Variants in CTNND2 observed in about 807,000 individuals in gnomAD.
CTNND2 encodes the protein catenin delta 2, also known as catenin delta-2.
CTNND2 carries 22 observed loss-of-function variants against 144.4 expected under a neutral mutation model. The observed-to-expected ratio is 0.15, with a 90% confidence interval of 0.11 to 0.22. The LOEUF (loss-of-function observed/expected upper bound fraction) is 0.22, where lower values mean the gene tolerates loss of function less well. Among genes scored for constraint, CTNND2 ranks in the 10% least tolerant of loss-of-function variants. The probability of loss-of-function intolerance (pLI) is 1.00; values close to 1 mark genes in which losing one functional copy is unlikely to be tolerated. For synonymous variants in CTNND2, 751 were observed against 695.6 expected (o/e 1.08, Z -1.25); for missense variants, 1,353 against 1,618.8 (o/e 0.84, Z 2.82).
At chr5:11,361,578 T>C (rs1006639352) in intron 8 of CTNND2, among the ~76,000 whole-genome samples, 23 of 152,170 alleles carry the variant, frequency 1.5e-4, no homozygotes, top group Non-Finnish European at 3.2e-4. Context: ...AGCATCTCCT[T>C]CCAAGGATTG....
At chr5:11,764,607 C>A (rs1789473573) in intron 1 of CTNND2, among the ~76,000 whole-genome samples, 1 of 152,146 alleles carries the variant, frequency 6.6e-6, no homozygotes, top group Non-Finnish European at 1.5e-5. Context: ...CTTTTATGGG[C>A]ATGTCATATG....
chr5:11,831,027 C>T (rs1793870842), intron 1 of CTNND2, among the ~76,000 whole-genome samples: 1 of 151,694 alleles, frequency 6.6e-6, no homozygotes, highest in Admixed American at 6.6e-5. Context: ...GACAATAATG[C>T]AAGAAATTAA....
intron 2 of CTNND2, among the ~76,000 whole-genome samples, chr5:11,675,327 A>C (rs988658318): frequency 6.6e-6 from 1 of 152,130 alleles, no homozygotes; most frequent in Non-Finnish European, 1.5e-5. Context: ...AGCCACTGGC[A>C]CTGCCCATGG....
intron 3 of CTNND2, among the ~76,000 whole-genome samples, chr5:11,439,593 C>T (rs1764064168): frequency 6.6e-6 from 1 of 152,090 alleles, no homozygotes; most frequent in African/African-American, 2.4e-5. Flanking sequence ...AGTGCACTGG[C>T]ACAATCATAG....
chr5:11,813,559 A>G (rs1792463495), intron 1 of CTNND2, among the ~76,000 whole-genome samples: 1 of 152,244 alleles, frequency 6.6e-6, no homozygotes, highest in Non-Finnish European at 1.5e-5. Context: ...ATATCCAAAT[A>G]TCCTTAGCAA....
intron 8 of CTNND2, among the ~76,000 whole-genome samples, chr5:11,348,798 T>C (rs900787883): frequency 1.3e-5 from 2 of 151,710 alleles, no homozygotes; most frequent in African/African-American, 2.4e-5. Context: ...CAGCAGACAA[T>C]AAATTATAAA....
chr5:11,259,586 CT>C (rs1485998072), intron 9 of CTNND2, among the ~76,000 whole-genome samples: 2 of 152,170 alleles, frequency 1.3e-5, no homozygotes, highest in Non-Finnish European at 2.9e-5. Flanking sequence ...ATTCACTGTT[CT>C]TTTAGACACT....
chr5:11,716,519 T>C (rs916220924), intron 2 of CTNND2, among the ~76,000 whole-genome samples: 5 of 152,204 alleles, frequency 3.3e-5, no homozygotes, highest in African/African-American at 1.2e-4. Context: ...CTTGCAACCC[T>C]TGCATCTACC....
chr5:11,335,653 G>C (rs10155641), intron 9 of CTNND2, among the ~76,000 whole-genome samples: 2 of 152,090 alleles, frequency 1.3e-5, no homozygotes, highest in Non-Finnish European at 2.9e-5. Context: ...GTCTGGCGGC[G>C]GGGAACCTAA....
intron 12 of CTNND2, among the ~76,000 whole-genome samples, chr5:11,154,203 T>C (rs1183086357): frequency 6.6e-6 from 1 of 152,166 alleles, no homozygotes; most frequent in African/African-American, 2.4e-5. Context: ...TGGCTGTCCA[T>C]AGTGTCAGAA....
Position 11,245,446 on chromosome 5 carries a change from G to C in CTNND2, c.1629-8623C>G, listed in dbSNP as rs972210031. On this transcript the variant is annotated intron_variant, in intron 9 of 21. Transcript: ENST00000304623. ...AGTGTCCTAAGAAGAGGGACGCAGAGGGAGACTGGACGCAGAAGAGGGCAA... is the reference window on the plus strand; with the variant it reads ...AGTGTCCTAAGAAGAGGGACGCAGACGGAGACTGGACGCAGAAGAGGGCAA... Among the ~76,000 whole-genome samples the C allele has an allele frequency of 2.0e-5, 3 of 152,274 alleles. No individual in the cohort carries two copies. In the East Asian group the frequency reaches 5.8e-4, roughly 29 times the overall value.
intron 12 of CTNND2, among the ~76,000 whole-genome samples, chr5:11,149,797 T>G (rs1214667179): frequency 2.0e-5 from 3 of 152,198 alleles, no homozygotes; most frequent in African/African-American, 7.2e-5. Context: ...ATATTATTAC[T>G]AAATATTGCT....
chr5:11,491,359 A>G (rs1217394920), intron 3 of CTNND2, among the ~76,000 whole-genome samples: 1 of 152,204 alleles, frequency 6.6e-6, no homozygotes, highest in Non-Finnish European at 1.5e-5. Flanking sequence ...TACCACACAC[A>G]AAGTGCTTTC....
intron 2 of CTNND2, among the ~76,000 whole-genome samples, chr5:11,645,184 T>G (rs1258860931): frequency 6.6e-6 from 1 of 152,080 alleles, no homozygotes; most frequent in African/African-American, 2.4e-5. Context: ...CAAGTTGGTC[T>G]TGAACTCCCG....
intron 1 of CTNND2, among the ~76,000 whole-genome samples, chr5:11,832,786 G>C (rs938535505): frequency 6.6e-6 from 1 of 151,976 alleles, no homozygotes; most frequent in Non-Finnish European, 1.5e-5. Context: ...ACAAAAAATA[G>C]GAAAATTAGT....
intron 2 of CTNND2, among the ~76,000 whole-genome samples, chr5:11,697,248 C>G (rs1158193508): frequency 6.6e-6 from 1 of 152,110 alleles, no homozygotes; most frequent in Non-Finnish European, 1.5e-5. Context: ...CTGATTCTAA[C>G]CATTGGAAGC....
intron 11 of CTNND2, among the ~76,000 whole-genome samples, chr5:11,169,168 A>G (rs1190453094): frequency 6.6e-6 from 1 of 152,126 alleles, no homozygotes. Flanking sequence ...CCACCTTGCA[A>G]TACCCACCTT....
chr5:11,882,556 G>T (rs1736202845), intron 1 of CTNND2, among the ~76,000 whole-genome samples: 1 of 151,990 alleles, frequency 6.6e-6, no homozygotes, highest in Non-Finnish European at 1.5e-5. Context: ...GTATTAAAAA[G>T]ATTGTCTTTT....
intron 2 of CTNND2, among the ~76,000 whole-genome samples, chr5:11,690,999 T>C (rs1235463068): frequency 6.6e-6 from 1 of 152,184 alleles, no homozygotes; most frequent in Non-Finnish European, 1.5e-5. Context: ...TGCATTGTTT[T>C]GTATTTGTTT....
Sources: gnomAD v4.1 joint callset for allele counts (sites outside exome capture counted in the v4.1 genomes callset) on GRCh38, gnomAD v4.1.1 for gene constraint, MANE v1.5 for transcripts, NCBI Gene and HGNC (gene_info 2026-07-23, HGNC 2026-07-21) for gene names.